NR1I2: variants seen among roughly 807,000 people sequenced by gnomAD.
The protein encoded by NR1I2 is orphan nuclear receptor PAR1.
A neutral mutation model predicts 43.3 loss-of-function variants in NR1I2; 42 were observed. That is an observed-to-expected ratio of 0.97 (90% CI 0.76 to 1.26). The LOEUF is 1.26. Among genes scored for constraint, NR1I2 ranks in the 50% most tolerant of loss-of-function variants. NR1I2 has a pLI of 0.00. For missense variants in NR1I2, 559 were observed against 566.7 expected (o/e 0.99, Z 0.14); for synonymous variants, 229 against 215.0 (o/e 1.06, Z -0.57).
chr3:119,792,759 C>T (rs2054939062), intron 1 of NR1I2, among the ~76,000 whole-genome samples: 1 of 152,086 alleles, frequency 6.6e-6, no homozygotes, highest in Admixed American at 6.5e-5. Context: ...CCTGTAATCC[C>T]AGCTACTCGG....
At chr3:119,808,747 G>A (rs192874489) in intron 2 of NR1I2, among the ~76,000 whole-genome samples, 1 of 152,342 alleles carries the variant, frequency 6.6e-6, no homozygotes, top group Admixed American at 6.5e-5. Flanking sequence ...TCGTCTCCAA[G>A]CCTCAGTCTC....
At chr3:119,793,150 T>A (rs1334218794) in intron 1 of NR1I2, among the ~76,000 whole-genome samples, 5 of 152,174 alleles carry the variant, frequency 3.3e-5, no homozygotes. Context: ...AAGCAGATGC[T>A]GGTGCCAAGC....
In NR1I2 at chr3:119,817,120, G is replaced by A; in HGVS notation, c.1213G>A (p.Ala405Thr). 3 of 1,614,192 alleles carry A rather than the reference G, an allele frequency of 1.9e-6. No individual in the cohort carries two copies. The highest frequency in any genetic ancestry group is 1.7e-6 in the Non-Finnish European group (2 of 1,180,014). Reference sequence around the variant, plus strand: ...GCTCACCGAGCTCCGCAGCATCAATGCTCAGCACACCCAGCGGCTGCTGCG... The same window carrying A: ...GCTCACCGAGCTCCGCAGCATCAATACTCAGCACACCCAGCGGCTGCTGCG... The change falls in exon 9 of 9, where the codon GCT (alanine) becomes ACT (threonine). Residue 405 changes from alanine (A) to threonine (T), a missense_variant. Physicochemically the swap from Ala to Thr is moderately conservative, Grantham distance 58 (BLOSUM62 0). Coordinates refer to ENST00000393716, the MANE Select transcript of NR1I2 (RefSeq NM_003889.4).
At chr3:119,799,836 T>A (rs929157728) in intron 1 of NR1I2, among the ~76,000 whole-genome samples, 1 of 151,990 alleles carries the variant, frequency 6.6e-6, no homozygotes, top group African/African-American at 2.4e-5. Context: ...AAAAATTAGC[T>A]GGGCGTGGTG....
chr3:119,804,247 C>T (rs1292516793), intron 1 of NR1I2, among the ~76,000 whole-genome samples: 1 of 150,062 alleles, frequency 6.7e-6, no homozygotes, highest in African/African-American at 2.4e-5. Context: ...TGGTGGCAGG[C>T]ACCTGTAGTC....
rs1463908166 is a variant in NR1I2, at chr3:119,814,971, G to A, written c.795-8G>A. ...GAGCTGTCCTCCCCTCCCCATCCTT[G>A]CTGCCAGGGACTTGCCCATCGAGGA... On this transcript the variant is annotated splice_polypyrimidine_tract_variant and splice_region_variant and intron_variant, in intron 5 of 8. Transcript: ENST00000393716. The A allele has an allele frequency of 1.1e-5, 18 of 1,613,976 alleles. No homozygotes were observed. Among genetic ancestry groups the A allele is most frequent in the Non-Finnish European group, 1.3e-5 (15 of 1,180,030 alleles).
rs2055357011 is a variant in NR1I2 at position 119,818,227 on chromosome 3, G to A, written c.*1015G>A. On this transcript the variant is annotated 3_prime_UTR_variant, in exon 9 of 9. Transcript: ENST00000393716. ...TGGGTATGCTCTGTGACAAGGCTAC[G>A]CTGACAATCAGTTAAACACACCGGA... is the stretch of plus-strand genomic sequence containing the variant. 1 of 985,728 alleles carries A rather than the reference G, an allele frequency of 1.0e-6. No homozygotes were observed. Among genetic ancestry groups the A allele is most frequent in the Non-Finnish European group, 1.2e-6 (1 of 830,028 alleles). 61.1% of individuals were successfully genotyped at this position (985,728 alleles called of 1,614,324 possible).
intron 1 of NR1I2, among the ~76,000 whole-genome samples, chr3:119,783,861 C>G (rs2054810639): frequency 6.6e-6 from 1 of 152,158 alleles, no homozygotes; most frequent in African/African-American, 2.4e-5. Context: ...TTCTGTTTTT[C>G]CACTCAATAG....
chr3:119,798,110 C>T (rs1273372218), intron 1 of NR1I2, among the ~76,000 whole-genome samples: 2 of 152,090 alleles, frequency 1.3e-5, no homozygotes, highest in Non-Finnish European at 2.9e-5. Context: ...GGCAAGTGTG[C>T]TTTCCCAGAT....
intron 1 of NR1I2, among the ~76,000 whole-genome samples, chr3:119,801,233 C>T (rs555689391): frequency 2.6e-5 from 4 of 152,226 alleles, no homozygotes; most frequent in Admixed American, 6.5e-5. Flanking sequence ...CCCTGCATAC[C>T]GGATTTTACA....
intron 2 of NR1I2, among the ~76,000 whole-genome samples, chr3:119,807,852 G>T (rs900707200): frequency 4.0e-4 from 61 of 152,260 alleles, no homozygotes; most frequent in Admixed American, 3.1e-3. Flanking sequence ...GAAGGGCGGG[G>T]AGGGGAGAAA....
chr3:119,799,246 T>G (rs1577275883), intron 1 of NR1I2, among the ~76,000 whole-genome samples: 1 of 152,244 alleles, frequency 6.6e-6, no homozygotes, highest in Non-Finnish European at 1.5e-5. Flanking sequence ...GTAAGATGTA[T>G]TTCTTTGTGG....
chr3:119,816,263 C>T (rs1339349935), intron 8 of NR1I2, among the ~76,000 whole-genome samples: 2 of 152,176 alleles, frequency 1.3e-5, no homozygotes, highest in Non-Finnish European at 2.9e-5. Flanking sequence ...TCTTTATTTG[C>T]TCAACCCTTC....
chr3:119,807,598 A>T, intron 2 of NR1I2, 151 bp downstream of exon 2: 1 of 683,228 alleles, frequency 1.5e-6, no homozygotes, highest in Non-Finnish European at 2.6e-6. Flanking sequence ...AGCCATTTAT[A>T]TCCCAGAGGA....
chr3:119,785,136 C>G (rs1487604444), intron 1 of NR1I2, among the ~76,000 whole-genome samples: 1 of 152,172 alleles, frequency 6.6e-6, no homozygotes, highest in Non-Finnish European at 1.5e-5. Context: ...AGTAGATAGT[C>G]TCAGAAGTGA....
intron 1 of NR1I2, among the ~76,000 whole-genome samples, chr3:119,785,055 CA>C: frequency 6.6e-6 from 1 of 152,186 alleles, no homozygotes; most frequent in Non-Finnish European, 1.5e-5. Flanking sequence ...CCAATCTTTA[CA>C]AACCTTAATT....
At chr3:119,807,909 G>T (rs561189279) in intron 2 of NR1I2, among the ~76,000 whole-genome samples, 15 of 152,288 alleles carry the variant, frequency 9.8e-5, no homozygotes, top group Middle Eastern at 6.8e-3. Flanking sequence ...GAGGGCACAG[G>T]GTATGCAAGG....
intron 1 of NR1I2, among the ~76,000 whole-genome samples, chr3:119,788,838 C>A (rs1177652187): frequency 6.6e-6 from 1 of 152,120 alleles, no homozygotes; most frequent in African/African-American, 2.4e-5. Context: ...TTTTTATTGA[C>A]AAGATCATCT....
chr3:119,794,483 T>C (rs1235438144), intron 1 of NR1I2, among the ~76,000 whole-genome samples: 2 of 148,384 alleles, frequency 1.3e-5, no homozygotes, highest in Admixed American at 6.8e-5. Context: ...TGTGAGCCAC[T>C]CACCCAGCCT....
Sources: gnomAD v4.1 joint callset for allele counts (sites outside exome capture counted in the v4.1 genomes callset) on GRCh38, gnomAD v4.1.1 for gene constraint, MANE v1.5 for transcripts, NCBI Gene and HGNC (gene_info 2026-07-23, HGNC 2026-07-21) for gene names.